TLK1: variants seen among roughly 807,000 people sequenced by gnomAD.
TLK1 encodes the protein serine/threonine-protein kinase tousled-like 1.
A neutral mutation model predicts 105.3 loss-of-function variants in TLK1; 24 were observed. That is an observed-to-expected ratio of 0.23 (90% CI 0.17 to 0.32). TLK1 has a LOEUF of 0.32. Among genes scored for constraint, TLK1 ranks in the 10% least tolerant of loss-of-function variants. The pLI, the probability that TLK1 is intolerant of heterozygous loss-of-function variation, is 1.00. For synonymous variants in TLK1, 321 were observed against 310.4 expected, an observed-to-expected ratio of 1.03 and a Z score of -0.36; for missense variants, 558 against 910.5, an observed-to-expected ratio of 0.61 and a Z score of 4.98.
intron 12 of TLK1, among the ~76,000 whole-genome samples, chr2:171,020,961 C>G (rs1026450334): frequency 6.6e-6 from 1 of 152,182 alleles, no homozygotes; most frequent in African/African-American, 2.4e-5. Context: ...TGAGAGCATA[C>G]TGTATCACCT....
intron 5 of TLK1, 106 bp downstream of exon 5, chr2:171,058,045 T>C (rs995542808): frequency 1.8e-6 from 2 of 1,120,592 alleles, no homozygotes; most frequent in Non-Finnish European, 2.7e-6. Context: ...TCTGCTCTAA[T>C]CAAGTAAGTA....
At chr2:171,214,237 G>A (rs1168354263) in intron 1 of TLK1, among the ~76,000 whole-genome samples, 1 of 152,060 alleles carries the variant, frequency 6.6e-6, no homozygotes, top group Non-Finnish European at 1.5e-5. Context: ...TCTGAGCTGG[G>A]CAAGGTGGGA....
rs1232216667 is a variant in TLK1, at chr2:171,117,732, T to G, written c.258+7A>C. On this transcript the variant is annotated splice_region_variant and intron_variant, in intron 2 of 20. Transcript: ENST00000431350. The stretch of plus-strand genomic sequence containing the variant: ...GACTGTCAAATAAAGATGAGAATTT[T>G]GCTCACTTTAGCTCCAACACTGCAA... The G allele has an allele frequency of 6.2e-7, 1 of 1,601,592 alleles. No homozygotes were observed. The highest frequency in any genetic ancestry group is 1.1e-5 in the South Asian group (1 of 89,424).
chr2:171,038,711 TA>T (rs1686498849), intron 11 of TLK1, among the ~76,000 whole-genome samples: 2 of 152,188 alleles, frequency 1.3e-5, no homozygotes, highest in Non-Finnish European at 2.9e-5. Context: ...CACTCTTACA[TA>T]AACTTTCAAT....
chr2:171,027,495 A>G (rs1245387048), intron 12 of TLK1, among the ~76,000 whole-genome samples: 2 of 152,246 alleles, frequency 1.3e-5, no homozygotes, highest in Non-Finnish European at 2.9e-5. Flanking sequence ...AAAGTTTACG[A>G]CAATAACACA....
rs962808625 is a variant in TLK1, at chr2:171,184,743, C to T, written c.-6+46402G>A. 5.9e-5 allele frequency among the ~76,000 whole-genome samples: 9 copies of T among 152,028 alleles called. 1 individual carries two copies. The highest frequency in any genetic ancestry group is 2.0e-4 in the Admixed American group (3 of 15,262). ...CTACTAAATTAAAATGTCATCCTTA[C>T]TGTATGTATAATTCCTATTCAATGT... On this transcript the variant is annotated intron_variant, in intron 1 of 20. Transcript: ENST00000521943.
chr2:171,040,443 C>A (rs1009182773), intron 11 of TLK1, among the ~76,000 whole-genome samples: 1 of 152,122 alleles, frequency 6.6e-6, no homozygotes, highest in African/African-American at 2.4e-5. Context: ...TATATAGGAA[C>A]TCTGTACTTT....
At chr2:171,007,156 T>C (rs1432401911) in intron 14 of TLK1, 93 bp from the exon 15 acceptor site, 6 of 1,007,474 alleles carry the variant, frequency 6.0e-6, no homozygotes, top group Non-Finnish European at 7.3e-6. Context: ...TGCAATAATA[T>C]GGAATTAGGA....
intron 3 of TLK1, chr2:171,081,646 G>A (rs1688758825): frequency 1.5e-6 from 2 of 1,303,892 alleles, no homozygotes; most frequent in Non-Finnish European, 2.0e-6. Flanking sequence ...TTACCTCAAG[G>A]GAACCTACTG....
rs775382742 is a variant in TLK1, at chr2:171,050,110, C to T, written c.797G>A (p.Arg266Gln). 6.3e-6 allele frequency: 10 copies of T among 1,599,588 alleles called. No homozygotes were observed. The South Asian group carries it at 6.7e-5, about 11-fold the overall frequency. Residue 266 changes from arginine to glutamine, a missense_variant, in exon 9 of 21, where the codon CGA becomes CAA. Around this residue, in one of 5 missense-constraint regions of TLK1, gnomAD observed 196 missense variants for 239.3 expected, o/e 0.82. Transcript: ENST00000431350. Reference sequence around the variant, plus strand: ...GCTCATTGATATGCACTTATTTAATCGTTCTTTGTATTTTTCAAGTAATTT... The same window carrying T: ...GCTCATTGATATGCACTTATTTAATTGTTCTTTGTATTTTTCAAGTAATTT... ...QQKLLEKYKE[R>Q]LNKCISMSKK...
At chr2:171,135,683 T>G (rs1691288717) in intron 1 of TLK1, among the ~76,000 whole-genome samples, 1 of 151,852 alleles carries the variant, frequency 6.6e-6, no homozygotes, top group Non-Finnish European at 1.5e-5. Context: ...GCACCTGTAA[T>G]CCCAGCTACT....
chr2:171,006,434 T>A (rs187281259), intron 17 of TLK1, 40 bp downstream of exon 17: 1 of 1,531,704 alleles, frequency 6.5e-7, no homozygotes, highest in Admixed American at 2.1e-5. Context: ...TTAAAAACTA[T>A]ACTCAAGTTT....
chr2:171,092,066 A>C (rs549753349), intron 2 of TLK1, among the ~76,000 whole-genome samples: 1 of 151,794 alleles, frequency 6.6e-6, no homozygotes, highest in African/African-American at 2.4e-5. Context: ...AGATCCCACA[A>C]TCAAAAGGAT....
chr2:171,094,900 G>A (rs1478374155), intron 2 of TLK1, among the ~76,000 whole-genome samples: 4 of 152,186 alleles, frequency 2.6e-5, no homozygotes, highest in East Asian at 1.9e-4. Context: ...GAGCCACTGC[G>A]CCTGGCCTCA....
In TLK1 at chr2:171,160,392, G is replaced by T; in HGVS notation, c.37C>A (p.Pro13Thr). 1 of 1,603,834 alleles carries T rather than the reference G, an allele frequency of 6.2e-7. No homozygotes were observed. Among genetic ancestry groups the T allele is most frequent in the South Asian group, 1.1e-5 (1 of 89,896 alleles). The change falls in exon 1 of 21, where the codon CCG becomes ACG. Residue 13 changes from proline to threonine, a missense_variant. Around this residue, in one of 5 missense-constraint regions of TLK1, gnomAD observed 104 missense variants for 116.0 expected, o/e 0.90. Transcript: ENST00000431350. This position sits in a 1 kb window ranked among gnomAD's most constrained non-coding sequence, Gnocchi z 4.4. Reference protein sequence around the residue: ...VQSSSGSLEGPPSWSQLSTSP... With the variant: ...VQSSSGSLEGTPSWSQLSTSP... Reference sequence around the variant, plus strand: ...GTGGAGAGCTGGGACCAAGATGGCGGCCCCTCCAAACTTCCACTGCTACTT... The same window carrying T: ...GTGGAGAGCTGGGACCAAGATGGCGTCCCCTCCAAACTTCCACTGCTACTT...
Position 171,049,894 on chromosome 2 carries a change from G to T in TLK1, c.900C>A (p.Leu300=). ...REKSMQDRLR[L]GHFTTVRHGA... ...CATGTCTAACTGTTGTAAAGTGCCC[G>T]AGGCGTAATCGATCTTGCATACTCT... Residue 300 remains leucine (L), a synonymous_variant, in exon 10 of 21, where the codon CTC becomes CTA. Transcript: ENST00000431350. 1 of 1,613,800 alleles carries T rather than the reference G, an allele frequency of 6.2e-7. No homozygotes were observed. Among genetic ancestry groups the T allele is most frequent in the Non-Finnish European group, 8.5e-7 (1 of 1,179,934 alleles).
At chr2:171,060,053 A>G (rs578035679) in intron 4 of TLK1, 88 of 1,595,746 alleles carry the variant, frequency 5.5e-5, no homozygotes, top group Non-Finnish European at 6.7e-5. Context: ...GGAAGGGGGG[A>G]AAAAACACTG....
At chr2:171,042,338 G>A (rs914685481) in intron 11 of TLK1, among the ~76,000 whole-genome samples, 3 of 152,068 alleles carry the variant, frequency 2.0e-5, no homozygotes, top group Non-Finnish European at 4.4e-5. Context: ...TCAAACTCCT[G>A]GGCTCAAGAG....
chr2:171,162,272 G>T (rs968760950), upstream of TLK1, among the ~76,000 whole-genome samples: 1 of 152,228 alleles, frequency 6.6e-6, no homozygotes, highest in African/African-American at 2.4e-5. Flanking sequence ...AGGTGCGGTG[G>T]CTCACGCCTG....
Sources: allele counts gnomAD v4.1 joint callset (sites outside exome capture counted in the v4.1 genomes callset), GRCh38; gene constraint gnomAD v4.1.1; regional missense constraint gnomAD v4.1.1; non-coding constraint Gnocchi (gnomAD v3.1); transcripts MANE v1.5; gene names NCBI Gene and HGNC (gene_info 2026-07-23, HGNC 2026-07-21).